The following ATRNL1 variants were observed in gnomAD, a reference collection of about 807,000 sequenced individuals.
ATRNL1 encodes the protein attractin-like protein 1.
Under a neutral mutation model 182.7 loss-of-function variants are expected in ATRNL1, and 95 were observed. The observed-to-expected ratio is 0.52, with a 90% CI of 0.44 to 0.62. The LOEUF is 0.62. Among genes scored for constraint, ATRNL1 ranks in the 20% least tolerant of loss-of-function variants. The pLI, the probability that ATRNL1 is intolerant of heterozygous loss-of-function variation, is 0.00. For synonymous variants in ATRNL1, 576 were observed against 568.3 expected (o/e 1.01, Z -0.19); for missense variants, 1,471 against 1,679.5 (o/e 0.88, Z 2.17).
At chr10:115,712,332 C>G (rs1218895086) in intron 26 of ATRNL1, among the ~76,000 whole-genome samples, 1 of 152,136 alleles carries the variant, frequency 6.6e-6, no homozygotes, top group Non-Finnish European at 1.5e-5. Context: ...AATGATATGC[C>G]TAAACCTAAT....
At chr10:115,356,410 A>G (rs1444912031) in intron 19 of ATRNL1, among the ~76,000 whole-genome samples, 1 of 152,042 alleles carries the variant, frequency 6.6e-6, no homozygotes, top group East Asian at 1.9e-4. Flanking sequence ...AGGAAAGCCA[A>G]CTTGAGATTT....
chr10:115,360,815 C>T (rs1856710850), intron 19 of ATRNL1, among the ~76,000 whole-genome samples: 3 of 151,822 alleles, frequency 2.0e-5, no homozygotes, highest in South Asian at 4.2e-4. Flanking sequence ...TGTTTAATGT[C>T]ATTTGACATT....
At chr10:115,760,962 A>G (rs1948719715) in intron 27 of ATRNL1, among the ~76,000 whole-genome samples, 2 of 152,196 alleles carry the variant, frequency 1.3e-5, no homozygotes, top group Admixed American at 1.3e-4. Context: ...ATTCTTTTTT[A>G]CTAAGAGAAA....
At chr10:115,293,190 C>G (rs1592392822) in intron 15 of ATRNL1, among the ~76,000 whole-genome samples, 4 of 152,000 alleles carry the variant, frequency 2.6e-5, no homozygotes, top group Admixed American at 6.6e-5. Context: ...CTTTTGCTTT[C>G]TGTTTGCATG....
intron 27 of ATRNL1, among the ~76,000 whole-genome samples, chr10:115,816,458 T>C (rs188079819): frequency 1.1e-4 from 17 of 152,290 alleles, no homozygotes; most frequent in Admixed American, 1.1e-3. Flanking sequence ...TTTCTATAGA[T>C]TTAACATCGT....
At chr10:115,637,222 GC>G (rs1858930471) in intron 26 of ATRNL1, among the ~76,000 whole-genome samples, 1 of 152,068 alleles carries the variant, frequency 6.6e-6, no homozygotes, top group Admixed American at 6.6e-5. Context: ...CTCAAGAATA[GC>G]CCCACACAAG....
chr10:115,299,221 G>T (rs1417323719), intron 15 of ATRNL1, among the ~76,000 whole-genome samples: 3 of 151,676 alleles, frequency 2.0e-5, no homozygotes, highest in African/African-American at 7.3e-5. Context: ...AAATTGTAAA[G>T]ATTAGTAACT....
At chr10:115,663,306 A>G (rs1860806171) in intron 26 of ATRNL1, among the ~76,000 whole-genome samples, 2 of 152,092 alleles carry the variant, frequency 1.3e-5, no homozygotes, top group African/African-American at 2.4e-5. Context: ...AAGCTCATAC[A>G]CTAGACCCTT....
intron 24 of ATRNL1, among the ~76,000 whole-genome samples, chr10:115,474,218 A>G (rs58739239): frequency 0.02 from 2,983 of 151,434 alleles, 96 homozygotes; most frequent in African/African-American, 0.066. Context: ...GAAGGGCAAC[A>G]TTGCCAGGTA....
At chr10:115,767,396 A>G (rs921381231) in intron 27 of ATRNL1, among the ~76,000 whole-genome samples, 3 of 152,098 alleles carry the variant, frequency 2.0e-5, no homozygotes, top group Admixed American at 1.3e-4. Flanking sequence ...CTTTGCAGTC[A>G]TCTCTTGTGC....
intron 20 of ATRNL1, among the ~76,000 whole-genome samples, chr10:115,405,867 A>G (rs1478799009): frequency 7.4e-5 from 8 of 108,810 alleles, no homozygotes; most frequent in Admixed American, 1.4e-4. Context: ...AACAGGCCCC[A>G]GTTTGTGATG....
intron 18 of ATRNL1, among the ~76,000 whole-genome samples, chr10:115,321,836 C>T (rs2134032873): frequency 6.6e-6 from 1 of 152,044 alleles, no homozygotes; most frequent in Non-Finnish European, 1.5e-5. Flanking sequence ...TACCTGTTTG[C>T]AGGTTACATA....
At chr10:115,511,534 A>G (rs556404995) in intron 24 of ATRNL1, among the ~76,000 whole-genome samples, 6 of 151,916 alleles carry the variant, frequency 3.9e-5, no homozygotes, top group Admixed American at 6.6e-5. Flanking sequence ...CTGAAATATT[A>G]TATCAGAGTT....
chr10:115,145,576 A>C (rs1317109590), intron 5 of ATRNL1, among the ~76,000 whole-genome samples: 1 of 152,220 alleles, frequency 6.6e-6, no homozygotes. Context: ...GATTGATTTT[A>C]TGGGTCTAGA....
At chr10:115,247,860 T>C (rs1564849159) in intron 10 of ATRNL1, among the ~76,000 whole-genome samples, 4 of 152,310 alleles carry the variant, frequency 2.6e-5, no homozygotes, top group African/African-American at 9.6e-5. Flanking sequence ...TGAAGACCTA[T>C]CATTTGTGGC....
At chr10:115,109,646 G>A (rs1554867335) in intron 1 of ATRNL1, among the ~76,000 whole-genome samples, 2 of 151,982 alleles carry the variant, frequency 1.3e-5, no homozygotes, top group Admixed American at 1.3e-4. Flanking sequence ...CCATAGCAGA[G>A]ACTCTGCTTC....
At chr10:115,354,722 G>A (rs537218906) in intron 19 of ATRNL1, among the ~76,000 whole-genome samples, 13 of 151,738 alleles carry the variant, frequency 8.6e-5, no homozygotes, top group African/African-American at 2.4e-4. Context: ...CTAAATGTTC[G>A]TATCTTTTTC....
intron 27 of ATRNL1, among the ~76,000 whole-genome samples, chr10:115,745,829 A>C (rs574253713): frequency 6.2e-4 from 95 of 152,214 alleles, no homozygotes; most frequent in African/African-American, 2.2e-3. Flanking sequence ...TTCAAACGTT[A>C]GTTTTCCCAT....
intron 25 of ATRNL1, among the ~76,000 whole-genome samples, chr10:115,526,179 C>T (rs1851207607): frequency 6.6e-6 from 1 of 152,150 alleles, no homozygotes; most frequent in Non-Finnish European, 1.5e-5. Context: ...ATTTCAGGTT[C>T]CTAGGTCTCC....
Sources: allele counts gnomAD v4.1 joint callset (sites outside exome capture counted in the v4.1 genomes callset), GRCh38; gene constraint gnomAD v4.1.1; transcripts MANE v1.5; gene names NCBI Gene and HGNC (gene_info 2026-07-23, HGNC 2026-07-21).